Variants in PRDM11 observed in about 807,000 individuals in gnomAD.
PRDM11 encodes PR domain-containing protein 11.
A neutral mutation model predicts 97.8 loss-of-function variants in PRDM11; 20 were observed. The ratio of observed to expected loss-of-function variants is 0.20; its 90% confidence interval spans 0.14 to 0.30. PRDM11 has a LOEUF of 0.30. Among genes scored for constraint, PRDM11 ranks in the 10% least tolerant of loss-of-function variants. The pLI is 1.00. For synonymous variants in PRDM11, 599 were observed against 637.7 expected (o/e 0.94, Z 0.91); for missense variants, 1,139 against 1,555.2 (o/e 0.73, Z 4.50).
chr11:45,226,073 C>T lies in PRDM11; in HGVS notation c.1448C>T (p.Ser483Phe). ...QEVDSADESV[S>F]NDMMTATDEP... ...GTCGATTCAGCAGATGAATCTGTCT[C>T]CAATGATATGATGACAGCGACGGAT... Residue 483 changes from serine (S) to phenylalanine (F), a missense_variant, in exon 8 of 8, where the codon TCC becomes TTC. Around this residue, in one of 2 missense-constraint regions of PRDM11, gnomAD observed 710 missense variants for 1,044.9 expected, o/e 0.68. Transcript: ENST00000683152. The T allele has an allele frequency of 6.5e-7, 1 of 1,527,980 alleles. No homozygotes were observed. Among genetic ancestry groups the T allele is most frequent in the Non-Finnish European group, 8.8e-7 (1 of 1,141,716 alleles). The allele number at this position is 1,527,980 out of a possible 1,614,324, so 94.7% of individuals were successfully genotyped here.
chr11:45,112,788 TTGTGTGTG>T lies in PRDM11; in HGVS notation c.96+16903_96+16910del, dbSNP rs113245678. On this transcript the variant is annotated intron_variant, in intron 1 of 6. Coordinates refer to the PRDM11 transcript ENST00000530656. Reference sequence around the variant, plus strand: ...TTTGCCCACTTTTTGATGGGATTATTTGTGTGTGTGTGTGTGTGTGTGTTTCTTGCTAA... The same window carrying T: ...TTTGCCCACTTTTTGATGGGATTATTTGTGTGTGTGTGTGTTTCTTGCTAA... 5.7e-4 allele frequency among the ~76,000 whole-genome samples: 85 copies of T among 149,932 alleles called. 1 individual carries two copies. Among genetic ancestry groups the T allele is most frequent in the African/African-American group, 1.9e-3 (78 of 41,018 alleles).
At chr11:45,176,054 G>T (rs1425518298) in intron 1 of PRDM11, among the ~76,000 whole-genome samples, 1 of 151,984 alleles carries the variant, frequency 6.6e-6, no homozygotes, top group Non-Finnish European at 1.5e-5. Context: ...TTTATTAGGG[G>T]TATTCACTGC....
chr11:45,167,688 AG>A (rs1209146980), intron 1 of PRDM11, among the ~76,000 whole-genome samples: 1 of 151,820 alleles, frequency 6.6e-6, no homozygotes, highest in East Asian at 2.0e-4. Flanking sequence ...GAGGCCTTGC[AG>A]GTGGATATAC....
At chr11:45,128,466 C>T (rs941220049) in intron 1 of PRDM11, among the ~76,000 whole-genome samples, 11 of 152,166 alleles carry the variant, frequency 7.2e-5, no homozygotes, top group Non-Finnish European at 5.9e-5. Flanking sequence ...TAGACCGGAG[C>T]TCTTCCTATT....
chr11:45,104,059 G>A (rs189157114), intron 1 of PRDM11, among the ~76,000 whole-genome samples: 7 of 152,292 alleles, frequency 4.6e-5, no homozygotes, highest in African/African-American at 1.7e-4. Flanking sequence ...ATCTAATTCC[G>A]TGCCCTAGAC....
chr11:45,157,644 C>A (rs1444570985), intron 1 of PRDM11, among the ~76,000 whole-genome samples: 1 of 152,228 alleles, frequency 6.6e-6, no homozygotes, highest in African/African-American at 2.4e-5. Flanking sequence ...GATGCACAGG[C>A]CTCTCTTTGT....
chr11:45,163,317 C>T (rs970064950), intron 1 of PRDM11, among the ~76,000 whole-genome samples: 1 of 152,200 alleles, frequency 6.6e-6, no homozygotes, highest in Admixed American at 6.5e-5. Flanking sequence ...TTTTTCATTT[C>T]GATTTCATTT....
intron 1 of PRDM11, chr11:45,147,716 T>G (rs77526501): frequency 6.6e-6 from 1 of 152,232 alleles, no homozygotes; most frequent in African/African-American, 2.4e-5. Flanking sequence ...ATTGCTGGTG[T>G]GTGTCTAGAG....
At chr11:45,142,067 A>G (rs1851415795), upstream of PRDM11, among the ~76,000 whole-genome samples, 1 of 152,216 alleles carries the variant, frequency 6.6e-6, no homozygotes, top group Non-Finnish European at 1.5e-5. Flanking sequence ...ATTCAATGAG[A>G]TGGTTTATGA....
Position 45,228,092 on chromosome 11 carries a change from CT to C in PRDM11, c.3468del (p.Ala1157ArgfsTer33). The C allele has an allele frequency of 6.5e-7, 1 of 1,533,770 alleles. No homozygotes were observed. Among genetic ancestry groups the C allele is most frequent in the Non-Finnish European group, 8.7e-7 (1 of 1,146,724 alleles). ...ALSAEVLSRM[S>X]ALEQKPALQT... ...TCTGCAGAAGTCCTCAGTAGGATGT[CT>C]GCGCTGGAGCAGAAGCCAGCACTAC... On this transcript the variant is annotated frameshift_variant, in exon 8 of 8. Coordinates refer to ENST00000683152, the MANE Select transcript of PRDM11 (RefSeq NM_001384648.1). LOFTEE classifies it high-confidence loss of function.
chr11:45,186,554 G>C (rs1852711751), intron 4 of PRDM11, among the ~76,000 whole-genome samples: 1 of 152,062 alleles, frequency 6.6e-6, no homozygotes, highest in Non-Finnish European at 1.5e-5. Context: ...GAGGAGTTGA[G>C]GAGGCATGGA....
chr11:45,095,230 C>T (rs1244612039), upstream of PRDM11, among the ~76,000 whole-genome samples: 1 of 152,168 alleles, frequency 6.6e-6, no homozygotes, highest in Non-Finnish European at 1.5e-5. Context: ...CAGCTGCCAG[C>T]CCTTCTAAGC....
At chr11:45,125,020 T>C (rs1248000318) in intron 1 of PRDM11, among the ~76,000 whole-genome samples, 3 of 152,328 alleles carry the variant, frequency 2.0e-5, no homozygotes, top group African/African-American at 4.8e-5. Context: ...TTTCAGAGCC[T>C]GTTATTGGTC....
At chr11:45,220,651 G>T (rs1227566910) in intron 6 of PRDM11, among the ~76,000 whole-genome samples, 1 of 151,958 alleles carries the variant, frequency 6.6e-6, no homozygotes, top group Non-Finnish European at 1.5e-5. Context: ...GACAAAACCA[G>T]TCCCCTCCTG....
intron 1 of PRDM11, among the ~76,000 whole-genome samples, chr11:45,181,127 G>A (rs148208754): frequency 1.2e-3 from 177 of 152,324 alleles, no homozygotes; most frequent in African/African-American, 4.1e-3. Context: ...ACCCCGGGGT[G>A]CCGAGGGAGG....
At chr11:45,110,165 G>T (rs537763321) in intron 1 of PRDM11, among the ~76,000 whole-genome samples, 1 of 152,340 alleles carries the variant, frequency 6.6e-6, no homozygotes, top group African/African-American at 2.4e-5. Flanking sequence ...GCAATGCTAA[G>T]CTTCACACAA....
In PRDM11 at chr11:45,226,239, G is replaced by A. The variant is rs1298402523; in HGVS notation, c.1614G>A (p.Gln538=). The stretch of plus-strand genomic sequence containing the variant: ...ACGTCTGCCGCCAGTACACGGTGCA[G>A]TCCTCACGCACCTCGGCCTTCATCA... ...WCHVCRQYTV[Q]SSRTSAFIIG... Residue 538 remains glutamine (Q), a synonymous_variant, in exon 8 of 8, where the codon CAG becomes CAA. Transcript: ENST00000683152. 2 of 1,533,908 alleles carry A rather than the reference G, an allele frequency of 1.3e-6. No homozygotes were observed. The highest frequency in any genetic ancestry group is 4.9e-5 in the East Asian group (2 of 40,932).
chr11:45,153,661 C>T (rs1851717417), intron 1 of PRDM11, among the ~76,000 whole-genome samples: 1 of 152,230 alleles, frequency 6.6e-6, no homozygotes, highest in Non-Finnish European at 1.5e-5. Flanking sequence ...CATGGTGCCC[C>T]ACTGTCTTGT....
intron 1 of PRDM11, among the ~76,000 whole-genome samples, chr11:45,153,698 C>G (rs1851718377): frequency 6.6e-6 from 1 of 152,252 alleles, no homozygotes; most frequent in African/African-American, 2.4e-5. Flanking sequence ...TTAACTGCGC[C>G]TCAGTTTCCT....
Sources: gnomAD v4.1 joint callset for allele counts (sites outside exome capture counted in the v4.1 genomes callset) on GRCh38, gnomAD v4.1.1 for gene constraint, gnomAD v4.1.1 regional missense constraint, MANE v1.5 for transcripts, NCBI Gene and HGNC (gene_info 2026-07-23, HGNC 2026-07-21) for gene names.